PIP5K1B: variants seen among roughly 807,000 people sequenced by gnomAD.
PIP5K1B encodes phosphatidylinositol 4-phosphate 5-kinase type-1 beta.
PIP5K1B carries 42 observed loss-of-function variants against 67.0 expected under a neutral mutation model. The ratio of observed to expected loss-of-function variants is 0.63; its 90% CI spans 0.49 to 0.81. The LOEUF (loss-of-function observed/expected upper bound fraction) is 0.81. Among genes scored for constraint, PIP5K1B ranks in the 30% least tolerant of loss-of-function variants. PIP5K1B has a pLI of 0.00. For synonymous variants in PIP5K1B, 214 were observed against 231.4 expected, an observed-to-expected ratio of 0.92 and a Z score of 0.68; for missense variants, 459 against 646.3, an observed-to-expected ratio of 0.71 and a Z score of 3.14.
intron 12 of PIP5K1B, among the ~76,000 whole-genome samples, chr9:68,929,923 G>A (rs900007409): frequency 5.3e-5 from 8 of 152,304 alleles, no homozygotes; most frequent in Middle Eastern, 6.8e-3. Context: ...ACCCACCTTG[G>A]CCTCCCAAAG....
At chr9:68,988,444 G>GTTTTTTTTT (rs61373302) in intron 14 of PIP5K1B, among the ~76,000 whole-genome samples, 5 of 109,990 alleles carry the variant, frequency 4.5e-5, no homozygotes, top group Admixed American at 2.0e-4. Flanking sequence ...TTTTTTTGGG[G>GTTTTTTTTT]TTTTTTTTTT....
chr9:68,788,986 C>T, intron 2 of PIP5K1B: 1 of 348,368 alleles, frequency 2.9e-6, no homozygotes, highest in Non-Finnish European at 5.5e-6. Context: ...ATCCAACCAC[C>T]TGGGGTTCAT....
At chr9:68,897,688 A>G (rs1412434175) in intron 8 of PIP5K1B, among the ~76,000 whole-genome samples, 1 of 152,128 alleles carries the variant, frequency 6.6e-6, no homozygotes, top group Non-Finnish European at 1.5e-5. Context: ...GCTCTTAAGG[A>G]CTTAGCAGTA....
chr9:68,897,581 C>T (rs1482073249), intron 8 of PIP5K1B, among the ~76,000 whole-genome samples: 1 of 152,062 alleles, frequency 6.6e-6, no homozygotes, highest in Non-Finnish European at 1.5e-5. Flanking sequence ...GGTTTTGGGG[C>T]AGTTAATAGG....
intron 1 of PIP5K1B, among the ~76,000 whole-genome samples, chr9:68,711,492 T>A (rs1827390451): frequency 6.6e-6 from 1 of 152,246 alleles, no homozygotes; most frequent in Non-Finnish European, 1.5e-5. Flanking sequence ...TGGCACTGTG[T>A]CTGGCAGGTG....
At chr9:68,856,543 G>A (rs889845023) in intron 4 of PIP5K1B, among the ~76,000 whole-genome samples, 2 of 152,030 alleles carry the variant, frequency 1.3e-5, no homozygotes, top group Non-Finnish European at 2.9e-5. Flanking sequence ...ATTATTTCAC[G>A]CTGTTCTTTC....
At chr9:68,977,399 T>G (rs1829680776) in intron 14 of PIP5K1B, among the ~76,000 whole-genome samples, 1 of 152,152 alleles carries the variant, frequency 6.6e-6, no homozygotes, top group Non-Finnish European at 1.5e-5. Flanking sequence ...GGTGCTTGCC[T>G]GTAATCCCAG....
chr9:68,823,048 G>A (rs956582486), intron 4 of PIP5K1B, among the ~76,000 whole-genome samples: 10 of 152,228 alleles, frequency 6.6e-5, no homozygotes, highest in Admixed American at 3.3e-4. Flanking sequence ...GGCCGGTGGC[G>A]TCTTTCCCAG....
At chr9:69,002,542 A>G (rs1310784364) in intron 15 of PIP5K1B, among the ~76,000 whole-genome samples, 1 of 152,198 alleles carries the variant, frequency 6.6e-6, no homozygotes, top group Non-Finnish European at 1.5e-5. Flanking sequence ...CCACTGCACT[A>G]CATCCCCAAA....
intron 4 of PIP5K1B, among the ~76,000 whole-genome samples, chr9:68,841,754 T>C (rs1028304946): frequency 8.5e-5 from 13 of 152,202 alleles, no homozygotes; most frequent in African/African-American, 3.1e-4. Context: ...TTCTGTTGAA[T>C]TGAGAATAGT....
chr9:68,953,814 A>G (rs1188731193), intron 14 of PIP5K1B, among the ~76,000 whole-genome samples: 1 of 103,062 alleles, frequency 9.7e-6, no homozygotes. Flanking sequence ...TTAAAAAAAA[A>G]AAAAAAAAAA....
intron 11 of PIP5K1B, among the ~76,000 whole-genome samples, chr9:68,922,834 A>G (rs1477888272): frequency 6.6e-6 from 1 of 152,232 alleles, no homozygotes; most frequent in Non-Finnish European, 1.5e-5. Flanking sequence ...GGGAGATGAA[A>G]CCAGAACTTT....
At chr9:68,880,596 C>T (rs5010594) in intron 6 of PIP5K1B, among the ~76,000 whole-genome samples, 8,618 of 146,786 alleles carry the variant, frequency 0.059, 536 homozygotes, top group African/African-American at 0.15. Flanking sequence ...CACGCATACA[C>T]ACACACACAC....
rs377111913 is a variant in PIP5K1B, at chr9:68,940,764, C to G, written c.1476C>G (p.His492Gln). ...TATACGTCAATGAGCACTATCCACA[C>G]GACAGGCCTACACTCTATTCAAACA... is the stretch of plus-strand genomic sequence containing the variant. The part of the protein sequence containing the change: ...SSLYVNEHYP[H>Q]DRPTLYSNSK... The change falls in exon 14 of 16, where the codon CAC becomes CAG. Residue 492 changes from histidine to glutamine, a missense_variant. Coordinates refer to ENST00000265382, the MANE Select transcript of PIP5K1B (RefSeq NM_003558.4). The G allele has an allele frequency of 6.2e-7, 1 of 1,613,884 alleles. No individual in the cohort carries two copies. Among genetic ancestry groups the G allele is most frequent in the Non-Finnish European group, 8.5e-7 (1 of 1,179,840 alleles).
In PIP5K1B at chr9:69,006,178, A is replaced by AT. The variant is rs199809249; in HGVS notation, c.1621-2261dup. Among the ~76,000 whole-genome samples the AT allele has an allele frequency of 6.6e-3, 1,009 of 152,058 alleles. 14 individuals are homozygous for AT. Among genetic ancestry groups the AT allele is most frequent in the African/African-American group, 0.023 (949 of 41,494 alleles). On this transcript the variant is annotated intron_variant, in intron 15 of 15. Transcript: ENST00000265382. The stretch of plus-strand genomic sequence containing the variant: ...GTGACCCATCATACCCAGCCCACTC[A>AT]TTTTTTTTACTCCGGTTAAAAAGCA...
At chr9:68,979,608 G>A (rs1231693608) in intron 14 of PIP5K1B, among the ~76,000 whole-genome samples, 2 of 129,268 alleles carry the variant, frequency 1.5e-5, no homozygotes, top group African/African-American at 5.7e-5. Context: ...GCTGCTCATG[G>A]CAGGAGCTCA....
intron 14 of PIP5K1B, among the ~76,000 whole-genome samples, chr9:68,964,703 A>G (rs1206318187): frequency 1.3e-5 from 2 of 152,208 alleles, no homozygotes; most frequent in Non-Finnish European, 2.9e-5. Flanking sequence ...CTACCCTGAA[A>G]ATGCTAAGCC....
chr9:68,821,649 T>C (rs907674496), intron 3 of PIP5K1B, among the ~76,000 whole-genome samples: 6 of 152,226 alleles, frequency 3.9e-5, no homozygotes, highest in Admixed American at 2.6e-4. Flanking sequence ...CTTCTGGAAA[T>C]AAATTTACCA....
Position 68,730,922 on chromosome 9 carries a change from CTT to C in PIP5K1B, c.-242-11576_-242-11575del, listed in dbSNP as rs572671074. Reference sequence around the variant, plus strand: ...AGTTATCCAATATTTCTTCTCCCCTCTTTTCATGAGAAAGGATTACCCTGAAA... The same window carrying C: ...AGTTATCCAATATTTCTTCTCCCCTCTTCATGAGAAAGGATTACCCTGAAA... On this transcript the variant is annotated intron_variant, in intron 1 of 15. Coordinates refer to ENST00000265382, the MANE Select transcript of PIP5K1B (RefSeq NM_003558.4). Among the ~76,000 whole-genome samples the C allele has an allele frequency of 8.5e-4, 130 of 152,358 alleles. 1 individual carries two copies. The South Asian group carries it at 0.026, about 31-fold the overall frequency.
Sources: gnomAD v4.1 joint callset for allele counts (sites outside exome capture counted in the v4.1 genomes callset) on GRCh38, gnomAD v4.1.1 for gene constraint, MANE v1.5 for transcripts, NCBI Gene and HGNC (gene_info 2026-07-23, HGNC 2026-07-21) for gene names.